GRAMD1B: variants seen among roughly 807,000 people sequenced by gnomAD.
GRAMD1B encodes GRAM domain containing 1B, also known as protein Aster-B.
GRAMD1B carries 37 observed loss-of-function variants against 99.7 expected under a neutral mutation model. The observed-to-expected ratio is 0.37, with a 90% CI of 0.29 to 0.49. The LOEUF (loss-of-function observed/expected upper bound fraction) is 0.49. GRAMD1B is among the 20% of genes least tolerant of loss of function. The pLI is 0.98. For missense variants in GRAMD1B, 888 were observed against 1,009.2 expected (o/e 0.88, Z 1.63); for synonymous variants, 427 against 387.6 (o/e 1.10, Z -1.19).
chr11:123,617,448 C>T (rs1954586838), intron 17 of GRAMD1B, among the ~76,000 whole-genome samples: 1 of 152,188 alleles, frequency 6.6e-6, no homozygotes, highest in South Asian at 2.1e-4. Flanking sequence ...CTTGGCCTCC[C>T]AAAGTGCTGG....
intron 1 of GRAMD1B, among the ~76,000 whole-genome samples, chr11:123,453,218 A>G (rs1260420396): frequency 6.6e-6 from 1 of 152,166 alleles, no homozygotes; most frequent in Non-Finnish European, 1.5e-5. Flanking sequence ...ATACAGTGGA[A>G]TATATACATG....
intron 16 of GRAMD1B, 100 bp from the exon 17 acceptor site, chr11:123,614,645 T>A: frequency 1.5e-6 from 1 of 654,620 alleles, no homozygotes; most frequent in Non-Finnish European, 2.8e-6. Flanking sequence ...TGGACATTTT[T>A]CCATCAGTCT....
chr11:123,550,810 T>G (rs1945533140), intron 2 of GRAMD1B, among the ~76,000 whole-genome samples: 1 of 152,052 alleles, frequency 6.6e-6, no homozygotes, highest in South Asian at 2.1e-4. Context: ...TAAGCCAGAG[T>G]GTGGTCACTG....
chr11:123,592,336 A>C (rs1409507651), intron 4 of GRAMD1B, among the ~76,000 whole-genome samples: 2 of 152,242 alleles, frequency 1.3e-5, no homozygotes, highest in Non-Finnish European at 2.9e-5. Flanking sequence ...GTAGGGGCTC[A>C]GACAGCACTG....
intron 1 of GRAMD1B, among the ~76,000 whole-genome samples, chr11:123,378,441 G>A (rs1229502386): frequency 1.3e-5 from 2 of 152,192 alleles, no homozygotes; most frequent in Non-Finnish European, 2.9e-5. Flanking sequence ...CACTGTCTAA[G>A]GCTTTTATCA....
rs138271564 is a variant in GRAMD1B at position 123,363,224 on chromosome 11, C to T, written c.-176+4425C>T. ...GAAGCTGTCAAGCCTCAACCCCTCACGGCAGCTCATTCTATTTTTATATTT... is the reference window on the plus strand; with the variant it reads ...GAAGCTGTCAAGCCTCAACCCCTCATGGCAGCTCATTCTATTTTTATATTT... On this transcript the variant is annotated intron_variant, in intron 1 of 20. Coordinates refer to the GRAMD1B transcript ENST00000638157. Among the ~76,000 whole-genome samples the T allele has an allele frequency of 1.5e-3, 229 of 152,280 alleles. 2 individuals carry two copies. The highest frequency in any genetic ancestry group is 2.8e-3 in the Non-Finnish European group (190 of 68,024).
chr11:123,403,494 TC>T (rs1947745958), intron 1 of GRAMD1B, among the ~76,000 whole-genome samples: 3 of 148,090 alleles, frequency 2.0e-5, no homozygotes, highest in Admixed American at 1.4e-4. Context: ...AATAATAATT[TC>T]GTCTCTTGTT....
Position 123,605,590 on chromosome 11 carries a change from T to G in GRAMD1B, c.1323+112T>G, listed in dbSNP as rs1006806031. ...CAGGTAGAGAGGAGATTGGTTACAT[T>G]GTTGTCAGTTTCTTCAAGGAGGCAT... is the stretch of plus-strand genomic sequence containing the variant. On this transcript the variant is annotated intron_variant, in intron 10 of 19. Coordinates refer to ENST00000635736, the MANE Select transcript of GRAMD1B (RefSeq NM_001387025.1). 6.0e-6 allele frequency: 5 copies of G among 830,510 alleles called. No homozygotes were observed. In the Admixed American group the frequency reaches 7.8e-5, roughly 13 times the overall value. The allele number at this position is 830,510 out of a possible 1,614,324, so 51.4% of individuals were successfully genotyped here.
At chr11:123,442,044 G>C (rs1472698090) in intron 1 of GRAMD1B, among the ~76,000 whole-genome samples, 1 of 152,162 alleles carries the variant, frequency 6.6e-6, no homozygotes, top group Admixed American at 6.5e-5. Context: ...AGTCAACACA[G>C]AACATTTCTG....
At chr11:123,584,242 CT>C in intron 3 of GRAMD1B, 69 bp from the exon 4 acceptor site, 1 of 832,802 alleles carries the variant, frequency 1.2e-6, no homozygotes. Context: ...TCTGTGTGCC[CT>C]TCCCCCTGGC....
At chr11:123,496,047 G>A (rs1341137371) in intron 2 of GRAMD1B, among the ~76,000 whole-genome samples, 1 of 152,118 alleles carries the variant, frequency 6.6e-6, no homozygotes, top group Non-Finnish European at 1.5e-5. Flanking sequence ...ACTATTACAT[G>A]TGAGTTTTCT....
chr11:123,481,973 A>C (rs1262542544), intron 2 of GRAMD1B, among the ~76,000 whole-genome samples: 1 of 152,208 alleles, frequency 6.6e-6, no homozygotes, highest in Non-Finnish European at 1.5e-5. Context: ...CCCTCTGCTG[A>C]GAGGGGGTAG....
chr11:123,536,594 T>C (rs1394106970), intron 2 of GRAMD1B, among the ~76,000 whole-genome samples: 2 of 152,182 alleles, frequency 1.3e-5, no homozygotes, highest in Non-Finnish European at 2.9e-5. Flanking sequence ...GTTTTATATT[T>C]AGCACTATAT....
chr11:123,378,394 T>A (rs2135773389), intron 1 of GRAMD1B, among the ~76,000 whole-genome samples: 1 of 152,314 alleles, frequency 6.6e-6, no homozygotes, highest in African/African-American at 2.4e-5. Context: ...TTGTGCTAGG[T>A]GTTTTCTAAC....
At chr11:123,473,795 AT>A (rs1232111217) in intron 1 of GRAMD1B, among the ~76,000 whole-genome samples, 1 of 152,084 alleles carries the variant, frequency 6.6e-6, no homozygotes, top group African/African-American at 2.4e-5. Context: ...ATATTGAGGG[AT>A]GTTCTGTAAG....
At chr11:123,597,824 T>G (rs1951468650) in intron 7 of GRAMD1B, 2 of 648,618 alleles carry the variant, frequency 3.1e-6, no homozygotes, top group Non-Finnish European at 5.7e-6. Context: ...ACAAGTTGCA[T>G]GCTAGACCAT....
chr11:123,390,235 C>T (rs1378877141), intron 1 of GRAMD1B, among the ~76,000 whole-genome samples: 1 of 150,696 alleles, frequency 6.6e-6, no homozygotes, highest in African/African-American at 2.4e-5. Context: ...TATACAAAAA[C>T]ACTACCCAAA....
intron 2 of GRAMD1B, chr11:123,525,764 G>C (rs1435555698): frequency 7.0e-6 from 2 of 287,480 alleles, no homozygotes; most frequent in Non-Finnish European, 1.3e-5. Flanking sequence ...TATGAGGTGA[G>C]GGTGGGGGGC....
chr11:123,551,219 C>T (rs1265098031), intron 2 of GRAMD1B, among the ~76,000 whole-genome samples: 1 of 152,158 alleles, frequency 6.6e-6, no homozygotes. Context: ...TCATTGGATG[C>T]GGTCTGTCCT....
Sources: allele counts gnomAD v4.1 joint callset (sites outside exome capture counted in the v4.1 genomes callset), GRCh38; gene constraint gnomAD v4.1.1; transcripts MANE v1.5; gene names NCBI Gene and HGNC (gene_info 2026-07-23, HGNC 2026-07-21).